Variants in CD163L1 observed in about 807,000 individuals in gnomAD.
The protein encoded by CD163L1 is CD163 molecule like 1, also known as scavenger receptor cysteine-rich type 1 protein M160.
Under a neutral mutation model 165.4 loss-of-function variants are expected in CD163L1, and 124 were observed. The ratio of observed to expected loss-of-function variants is 0.75; its 90% CI spans 0.65 to 0.87. CD163L1 has a LOEUF of 0.87. CD163L1 is among the 40% of genes least tolerant of loss of function. The pLI, the probability that CD163L1 is intolerant of heterozygous loss-of-function variation, is 0.00. For synonymous variants in CD163L1, 585 were observed against 662.2 expected (o/e 0.88, Z 1.79); for missense variants, 1,525 against 1,799.9 (o/e 0.85, Z 2.76).
the CD163L1 span, among the ~76,000 whole-genome samples, chr12:7,341,003 T>A: frequency 4.8e-4 from 73 of 152,330 alleles, no homozygotes; most frequent in Non-Finnish European, 7.9e-4. Context: ...ATCAAATGAC[T>A]TTTGTGCTAA....
chr12:7,405,839 G>A (rs959894087), intron 5 of CD163L1, among the ~76,000 whole-genome samples: 4 of 152,156 alleles, frequency 2.6e-5, no homozygotes, highest in African/African-American at 9.7e-5. Context: ...AATATTAGAA[G>A]GTGTGGGTTT....
At chr12:7,401,633 G>A (rs1947916974) in intron 6 of CD163L1, among the ~76,000 whole-genome samples, 1 of 151,940 alleles carries the variant, frequency 6.6e-6, no homozygotes, top group African/African-American at 2.4e-5. Flanking sequence ...GTACATTTAT[G>A]CAATATAGTA....
At chr12:7,329,096 A>C in the CD163L1 span, among the ~76,000 whole-genome samples, 1 of 148,346 alleles carries the variant, frequency 6.7e-6, no homozygotes, top group Non-Finnish European at 1.5e-5. Flanking sequence ...CTGAATGTAT[A>C]TATACACATA....
chr12:7,441,145 A>G lies in CD163L1; in HGVS notation c.124+9T>C, dbSNP rs1255757928. ...GTAAGCCCAAAAGTTATCATCCATC[A>G]GAACTCACTAAAACTGCTGATGAGA... On this transcript the variant is annotated intron_variant, in intron 2 of 19. Coordinates refer to ENST00000313599, the MANE Select transcript of CD163L1 (RefSeq NM_174941.6). 6.2e-7 allele frequency: 1 copy of G among 1,601,884 alleles called. No individual in the cohort carries two copies. Among genetic ancestry groups the G allele is most frequent in the Admixed American group, 1.7e-5 (1 of 60,010 alleles).
the CD163L1 span, among the ~76,000 whole-genome samples, chr12:7,324,967 G>T: frequency 1 from 151,899 of 152,356 alleles, 75,724 homozygotes; most frequent in Middle Eastern, 1. Context: ...TATGGCTCCA[G>T]TTGATCAGAT....
At chr12:7,422,158 G>GTGGA (rs980276836) in intron 4 of CD163L1, among the ~76,000 whole-genome samples, 2 of 152,114 alleles carry the variant, frequency 1.3e-5, no homozygotes, top group African/African-American at 2.4e-5. Flanking sequence ...AGGGTCTGGA[G>GTGGA]TGGAGCCCAA....
intron 4 of CD163L1, among the ~76,000 whole-genome samples, chr12:7,421,310 C>T (rs1381419544): frequency 2.0e-5 from 2 of 98,200 alleles, no homozygotes; most frequent in African/African-American, 8.3e-5. Flanking sequence ...TGTATATATA[C>T]ATTTGGAAGA....
chr12:7,324,219 T>C, the CD163L1 span: 1 of 1,596,904 alleles, frequency 6.3e-7, no homozygotes, highest in African/African-American at 1.3e-5. Flanking sequence ...ATGAGTGCCA[T>C]ACCCATCTCT....
chr12:7,385,678 A>T (rs1947500995), intron 8 of CD163L1, among the ~76,000 whole-genome samples: 1 of 152,078 alleles, frequency 6.6e-6, no homozygotes, highest in South Asian at 2.1e-4. Context: ...ACCACAGTGG[A>T]ATAAAATTGG....
intron 4 of CD163L1, among the ~76,000 whole-genome samples, chr12:7,427,169 C>G (rs760861704): frequency 1.3e-5 from 2 of 148,742 alleles, no homozygotes; most frequent in Non-Finnish European, 2.9e-5. Context: ...AAGGAAATAG[C>G]GGACTTGAAC....
In CD163L1 at chr12:7,433,934, G is replaced by A. The variant is rs1349991828; in HGVS notation, c.125-240C>T. 2.6e-5 allele frequency among the ~76,000 whole-genome samples: 4 copies of A among 152,108 alleles called. No homozygotes were observed. In the East Asian group the frequency reaches 7.7e-4, roughly 29 times the overall value. ...TTGTAATGTGAAAATTAAAAGAAGG[G>A]AAAGAATTTTTTCTTTCTATGCAAT... On this transcript the variant is annotated intron_variant, in intron 2 of 19. Transcript: ENST00000313599.
intron 9 of CD163L1, among the ~76,000 whole-genome samples, chr12:7,377,680 T>C (rs991112670): frequency 6.6e-6 from 1 of 152,210 alleles, no homozygotes; most frequent in Non-Finnish European, 1.5e-5. Context: ...GTTTCATCTA[T>C]ATTGGCCTCT....
At chr12:7,338,129 C>T in the CD163L1 span, among the ~76,000 whole-genome samples, 1 of 151,946 alleles carries the variant, frequency 6.6e-6, no homozygotes, top group East Asian at 1.9e-4. Context: ...AACACATGGA[C>T]ACAGGGAGGG....
chr12:7,376,536 A>G (rs757071727), intron 9 of CD163L1, among the ~76,000 whole-genome samples: 1 of 152,336 alleles, frequency 6.6e-6, no homozygotes, highest in South Asian at 2.1e-4. Flanking sequence ...TGACTCATTT[A>G]TCCAATTTCT....
At chr12:7,340,019 A>G in the CD163L1 span, among the ~76,000 whole-genome samples, 1 of 152,096 alleles carries the variant, frequency 6.6e-6, no homozygotes, top group Non-Finnish European at 1.5e-5. Flanking sequence ...GGTTGTGTAT[A>G]TTATGGAACC....
At chr12:7,386,901 A>G (rs990989252) in intron 8 of CD163L1, among the ~76,000 whole-genome samples, 1 of 152,144 alleles carries the variant, frequency 6.6e-6, no homozygotes, top group Non-Finnish European at 1.5e-5. Context: ...AGTCTTACCT[A>G]TAAGAACTGG....
At chr12:7,425,603 A>C (rs1948527530) in intron 4 of CD163L1, among the ~76,000 whole-genome samples, 1 of 152,224 alleles carries the variant, frequency 6.6e-6, no homozygotes, top group Admixed American at 6.5e-5. Flanking sequence ...GCTAATATCC[A>C]GAATCTATAA....
the CD163L1 span, among the ~76,000 whole-genome samples, chr12:7,333,701 G>A: frequency 1.3e-5 from 2 of 152,152 alleles, no homozygotes; most frequent in Admixed American, 6.5e-5. Flanking sequence ...GAATCCAGGA[G>A]CTGGTTTTTT....
chr12:7,326,993 T>C, the CD163L1 span: 2 of 1,605,274 alleles, frequency 1.2e-6, no homozygotes, highest in South Asian at 1.1e-5. Context: ...AAGCTTTTGT[T>C]GTCTTAGCTG....
Sources: gnomAD v4.1 joint callset for allele counts (sites outside exome capture counted in the v4.1 genomes callset) on GRCh38, gnomAD v4.1.1 for gene constraint, MANE v1.5 for transcripts, NCBI Gene and HGNC (gene_info 2026-07-23, HGNC 2026-07-21) for gene names.